The following SCLT1 variants were observed in gnomAD, a reference collection of about 807,000 sequenced individuals.
SCLT1 encodes sodium channel and clathrin linker 1.
A neutral mutation model predicts 112.8 loss-of-function variants in SCLT1; 78 were observed. The ratio of observed to expected loss-of-function variants is 0.69; its 90% CI spans 0.58 to 0.83. The LOEUF (loss-of-function observed/expected upper bound fraction) is 0.83, where lower values mean the gene tolerates loss of function less well. Ranked by LOEUF, SCLT1 falls within the 40% of genes least tolerant of loss-of-function variation. The probability of loss-of-function intolerance (pLI) is 0.00; values close to 1 mark genes in which losing one functional copy is unlikely to be tolerated. For synonymous variants in SCLT1, 257 were observed against 254.7 expected, an observed-to-expected ratio of 1.01 and a Z score of -0.09; for missense variants, 747 against 770.4, an observed-to-expected ratio of 0.97 and a Z score of 0.36.
chr4:128,942,657 C>T (rs1737798351), intron 17 of SCLT1, among the ~76,000 whole-genome samples: 1 of 152,098 alleles, frequency 6.6e-6, no homozygotes, highest in Non-Finnish European at 1.5e-5. Context: ...TTCAACTTTT[C>T]AAAGGCTACT....
At chr4:128,877,410 A>C (rs1475003565) in intron 3 of SCLT1, among the ~76,000 whole-genome samples, 1 of 152,140 alleles carries the variant, frequency 6.6e-6, no homozygotes, top group East Asian at 1.9e-4. Context: ...GGCCGGGTGC[A>C]GTGGCTCACG....
Position 128,899,190 on chromosome 4 carries a change from C to T in SCLT1, c.1830-8053G>A, listed in dbSNP as rs184352252. Among the ~76,000 whole-genome samples, 520 of 152,310 alleles carry T rather than the reference C, an allele frequency of 3.4e-3. 2 individuals are homozygous for T. Among genetic ancestry groups the T allele is most frequent in the African/African-American group, 0.011 (476 of 41,554 alleles). On this transcript the variant is annotated intron_variant, in intron 18 of 20. Transcript: ENST00000281142. ...CTCATTTTATGAGGCCAGCATCATC[C>T]TGATACCAAAGCCTGGCAGAGACAC... is the stretch of plus-strand genomic sequence containing the variant.
At chr4:128,957,240 T>A in intron 12 of SCLT1, 116 bp from the exon 13 acceptor site, 1 of 563,698 alleles carries the variant, frequency 1.8e-6, no homozygotes, top group African/African-American at 2.0e-5. Context: ...ACATCTCTAC[T>A]TGAATATCAT....
intron 10 of SCLT1, among the ~76,000 whole-genome samples, chr4:128,966,356 T>C (rs984224567): frequency 6.6e-6 from 1 of 152,136 alleles, no homozygotes; most frequent in African/African-American, 2.4e-5. Context: ...ATATGCATCT[T>C]GAACTTACCC....
In SCLT1 at chr4:129,038,042, G is replaced by A. The variant is rs78848590; in HGVS notation, c.290+999C>T. On this transcript the variant is annotated intron_variant, in intron 5 of 20. Coordinates refer to ENST00000281142, the MANE Select transcript of SCLT1 (RefSeq NM_144643.4). Reference sequence around the variant, plus strand: ...CCAGCTACTGGGGAGGCTGAGGCAGGAGAATGGCACGAATCCGGGAGGCGG... The same window carrying A: ...CCAGCTACTGGGGAGGCTGAGGCAGAAGAATGGCACGAATCCGGGAGGCGG... 2,132 of 153,544 alleles carry A rather than the reference G, an allele frequency of 0.014. 50 individuals are homozygous for A. The highest frequency in any genetic ancestry group is 0.045 in the African/African-American group (1,887 of 41,504). 9.5% of individuals were successfully genotyped at this position (153,544 alleles called of 1,614,324 possible). A position where few individuals can be genotyped will look rare whatever the true frequency, so the allele number is the denominator to read the frequency against.
intron 5 of SCLT1, chr4:128,873,281 GAAAAAAAAAAGA>G (rs1395717712): frequency 1.0e-4 from 11 of 105,638 alleles, no homozygotes; most frequent in African/African-American, 3.9e-4. Flanking sequence ...AAGAAAAAAA[GAAAAAAAAAAGA>G]AAAAAGAAAA....
At chr4:128,908,759 G>C (rs956862038) in intron 18 of SCLT1, among the ~76,000 whole-genome samples, 2 of 152,118 alleles carry the variant, frequency 1.3e-5, no homozygotes, top group African/African-American at 4.8e-5. Context: ...AAAAGTTAGT[G>C]ATATATATAA....
intron 5 of SCLT1, among the ~76,000 whole-genome samples, chr4:129,027,498 A>G (rs1746228717): frequency 6.6e-6 from 1 of 152,216 alleles, no homozygotes; most frequent in Admixed American, 6.5e-5. Flanking sequence ...AAAAACTCTC[A>G]ATAAATTAGG....
intron 5 of SCLT1, among the ~76,000 whole-genome samples, chr4:129,017,936 C>T (rs112500649): frequency 1.5e-4 from 23 of 152,170 alleles, no homozygotes; most frequent in Non-Finnish European, 3.2e-4. Context: ...AAATGGTTTG[C>T]TACATTGGTC....
In SCLT1 at chr4:128,992,180, G is replaced by C; in HGVS notation, c.673C>G (p.Arg225Gly). 1 of 1,587,118 alleles carries C rather than the reference G, an allele frequency of 6.3e-7. No individual in the cohort carries two copies. Reference protein sequence around the residue: ...TEQSVIIEQLRKKLRQAKLEL... With the variant: ...TEQSVIIEQLGKKLRQAKLEL... Reference sequence around the variant, plus strand: ...TTTTGAAAATACCTAAGTTTTTTTCGGAGTTGTTCGATTATCACACTTTGT... The same window carrying C: ...TTTTGAAAATACCTAAGTTTTTTTCCGAGTTGTTCGATTATCACACTTTGT... The change falls in exon 9 of 21, where the codon CGA becomes GGA. Residue 225 changes from arginine to glycine, a missense_variant. By Grantham distance (125) the Arg-to-Gly change is moderately radical. Around this residue, in one of 2 missense-constraint regions of SCLT1, gnomAD observed 723 missense variants for 721.3 expected, o/e 1.00. Transcript: ENST00000281142.
chr4:128,916,885 G>C (rs1735519200), intron 18 of SCLT1, among the ~76,000 whole-genome samples: 1 of 152,026 alleles, frequency 6.6e-6, no homozygotes, highest in Admixed American at 6.6e-5. Flanking sequence ...CAAAGAGGCT[G>C]GTCAGTTCCT....
intron 18 of SCLT1, among the ~76,000 whole-genome samples, chr4:128,931,992 C>T (rs1445166776): frequency 1.3e-5 from 2 of 149,826 alleles, no homozygotes; most frequent in Non-Finnish European, 3.0e-5. Flanking sequence ...TTTAATATCA[C>T]TGGTATGTTG....
At chr4:129,064,271 G>C (rs1440669803) in intron 2 of SCLT1, among the ~76,000 whole-genome samples, 1 of 152,084 alleles carries the variant, frequency 6.6e-6, no homozygotes, top group Non-Finnish European at 1.5e-5. Flanking sequence ...TCAGTCTGTG[G>C]TATGTTTATT....
chr4:129,071,523 T>G (rs764077226), intron 2 of SCLT1, among the ~76,000 whole-genome samples: 35 of 152,346 alleles, frequency 2.3e-4, no homozygotes, highest in Non-Finnish European at 3.4e-4. Flanking sequence ...CTTTTACCCA[T>G]CATATAATGT....
At chr4:129,088,176 C>T (rs569181549) in intron 1 of SCLT1, among the ~76,000 whole-genome samples, 1 of 152,130 alleles carries the variant, frequency 6.6e-6, no homozygotes, top group East Asian at 1.9e-4. Flanking sequence ...GATTATACAT[C>T]ATGAGCAAGT....
chr4:128,980,732 A>G (rs1741571465), intron 9 of SCLT1, among the ~76,000 whole-genome samples: 1 of 152,218 alleles, frequency 6.6e-6, no homozygotes, highest in Non-Finnish European at 1.5e-5. Flanking sequence ...GAGAAACACT[A>G]AAAATCTTTT....
At chr4:128,889,469 C>G (rs1733144164) in intron 19 of SCLT1, among the ~76,000 whole-genome samples, 1 of 152,170 alleles carries the variant, frequency 6.6e-6, no homozygotes, top group Non-Finnish European at 1.5e-5. Flanking sequence ...AGGCATGGAA[C>G]AGATTCTCCC....
intron 1 of SCLT1, among the ~76,000 whole-genome samples, chr4:129,089,891 A>G (rs1277971054): frequency 1.3e-5 from 2 of 152,148 alleles, no homozygotes; most frequent in Non-Finnish European, 2.9e-5. Context: ...GAGGGATAGC[A>G]TTAGGAGAAA....
intron 2 of SCLT1, among the ~76,000 whole-genome samples, chr4:129,054,754 T>C (rs1183006965): frequency 6.6e-6 from 1 of 152,104 alleles, no homozygotes; most frequent in Non-Finnish European, 1.5e-5. Context: ...CTTCTGTCAA[T>C]TTGTCAGATT....
Sources: gnomAD v4.1 joint callset for allele counts (sites outside exome capture counted in the v4.1 genomes callset) on GRCh38, gnomAD v4.1.1 for gene constraint, gnomAD v4.1.1 regional missense constraint, MANE v1.5 for transcripts, NCBI Gene and HGNC (gene_info 2026-07-23, HGNC 2026-07-21) for gene names.